Variants in MYH13 observed in about 807,000 individuals in gnomAD.
MYH13 encodes the protein myosin-13.
MYH13 carries 177 observed loss-of-function variants against 232.1 expected under a neutral mutation model. The ratio of observed to expected loss-of-function variants is 0.76; its 90% CI spans 0.67 to 0.86. MYH13 has a LOEUF of 0.86. Among genes scored for constraint, MYH13 ranks in the 40% least tolerant of loss-of-function variants. The pLI is 0.00. For synonymous variants in MYH13, 884 were observed against 923.5 expected (o/e 0.96, Z 0.78); for missense variants, 2,246 against 2,405.9 (o/e 0.93, Z 1.39).
intron 15 of MYH13, 146 bp from the exon 16 acceptor site, chr17:10,344,255 G>T (rs2071643038): frequency 2.4e-6 from 3 of 1,239,620 alleles, no homozygotes; most frequent in Non-Finnish European, 3.3e-6. Flanking sequence ...CTCTTGGTCT[G>T]TTTGGGGGAT....
chr17:10,360,336 C>G, intron 5 of MYH13, 148 bp from the exon 6 acceptor site: 1 of 963,936 alleles, frequency 1.0e-6, no homozygotes, highest in South Asian at 1.6e-5. Flanking sequence ...GTCTAATCTT[C>G]TTTGGGACAA....
intron 8 of MYH13, among the ~76,000 whole-genome samples, chr17:10,357,043 C>A (rs561237182): frequency 6.6e-6 from 1 of 152,154 alleles, no homozygotes; most frequent in Non-Finnish European, 1.5e-5. Flanking sequence ...TCCCTGCAAC[C>A]TCCACCTCCC....
In MYH13 at chr17:10,341,819, G is replaced by A. The variant is rs192728675; in HGVS notation, c.1895-1418C>T. ...AAAGAAAATGATTTTCATCATTGAA[G>A]TTTACGCATGTGCCCATTTCCTATT... On this transcript the variant is annotated intron_variant, in intron 16 of 40. Coordinates refer to ENST00000252172, the MANE Select transcript of MYH13 (RefSeq NM_003802.3). 1.5e-3 allele frequency among the ~76,000 whole-genome samples: 224 copies of A among 152,268 alleles called. 3 individuals carry two copies. The highest frequency in any genetic ancestry group is 5.3e-3 in the African/African-American group (220 of 41,550).
At chr17:10,331,258 C>T (rs1263589944) in intron 20 of MYH13, among the ~76,000 whole-genome samples, 1 of 152,194 alleles carries the variant, frequency 6.6e-6, no homozygotes, top group Non-Finnish European at 1.5e-5. Context: ...ACTTCGCCCA[C>T]TCCCTCCATA....
chr17:10,357,253 C>T (rs9915734), intron 8 of MYH13, among the ~76,000 whole-genome samples: 2,786 of 152,250 alleles, frequency 0.018, 59 homozygotes, highest in African/African-American at 0.045. Context: ...TGAGCCACCG[C>T]GCCCAGACTA....
At chr17:10,359,491 A>G (rs943100978) in intron 7 of MYH13, among the ~76,000 whole-genome samples, 5 of 152,156 alleles carry the variant, frequency 3.3e-5, no homozygotes, top group African/African-American at 1.2e-4. Context: ...AACAGCCTTT[A>G]TAACAAACTG....
intron 21 of MYH13, among the ~76,000 whole-genome samples, chr17:10,328,454 C>G (rs1311279192): frequency 1.3e-5 from 2 of 152,166 alleles, no homozygotes; most frequent in East Asian, 3.8e-4. Flanking sequence ...AGCTTTCATT[C>G]CTATTCTATT....
chr17:10,309,192 C>T (rs974535243), intron 35 of MYH13, 42 bp downstream of exon 35: 1 of 1,592,392 alleles, frequency 6.3e-7, no homozygotes. Flanking sequence ...GCGCTATCTG[C>T]CCCAGGGTGG....
At position 10,328,113 on chromosome 17, in the gene MYH13, ATGGAGTC is replaced by A; in HGVS notation, c.2437_2443del (p.Asp813SerfsTer12). 1.2e-6 allele frequency: 2 copies of A among 1,613,934 alleles called. No homozygotes were observed. Among genetic ancestry groups the A allele is most frequent in the Non-Finnish European group, 1.7e-6 (2 of 1,179,952 alleles). ...GCGGATGTTGTACTGGATGCAGAAG[ATGGAGTC>A]CCTGTACACCCATTAGGACTCAAAT... On this transcript the variant is annotated frameshift_variant and splice_region_variant, in exon 22 of 41. Transcript: ENST00000252172. LOFTEE classifies it high-confidence loss of function.
Position 10,346,743 on chromosome 17 carries a change from G to C in MYH13, c.1200C>G (p.Gly400=). 6.2e-7 allele frequency: 1 copy of C among 1,613,912 alleles called. No homozygotes were observed. The highest frequency in any genetic ancestry group is 8.5e-7 in the Non-Finnish European group (1 of 1,179,872). Residue 400 remains glycine (G), a synonymous_variant, in exon 13 of 41, where the codon GGC becomes GGG. Transcript: ENST00000252172. ...MGLNSAEMLK[G]LCCPRVKVGN... ...CAACCTTCACCCTTGGACAGCACAGGCCCTTCAGCATTTCTGCAGAATTCA... is the reference window on the plus strand; with the variant it reads ...CAACCTTCACCCTTGGACAGCACAGCCCCTTCAGCATTTCTGCAGAATTCA...
In MYH13 at chr17:10,346,667, G is replaced by C; in HGVS notation, c.1263+13C>G. ...AAGATCTCAATCAACTGGATTCAGA[G>C]CATCTCCATTACCTGCTGGACATTT... On this transcript the variant is annotated intron_variant, in intron 13 of 40. Transcript: ENST00000252172. 6.3e-7 allele frequency: 1 copy of C among 1,583,000 alleles called. No individual in the cohort carries two copies. Among genetic ancestry groups the C allele is most frequent in the South Asian group, 1.1e-5 (1 of 89,746 alleles).
chr17:10,353,963 G>A (rs184333079), intron 11 of MYH13, among the ~76,000 whole-genome samples: 1 of 150,100 alleles, frequency 6.7e-6, no homozygotes, highest in East Asian at 2.0e-4. Context: ...AAGGAAGGAA[G>A]GAAGGGAAAG....
In MYH13 at chr17:10,328,075, C is replaced by A; in HGVS notation, c.2482G>T (p.Val828Phe). The change falls in exon 22 of 41, where the codon GTC becomes TTC. Residue 828 changes from valine to phenylalanine, a missense_variant. Physicochemically the swap from Val to Phe is conservative, Grantham distance 50. Coordinates refer to ENST00000252172, the MANE Select transcript of MYH13 (RefSeq NM_003802.3). ...IQYNIRSFMN[V>F]KHWPWMNLFF... ...AGGTTCATCCAGGGCCAGTGCTTGA[C>A]GTTCATAAAAGAGCGGATGTTGTAC... 6.2e-7 allele frequency: 1 copy of A among 1,614,120 alleles called. No homozygotes were observed. The highest frequency in any genetic ancestry group is 1.3e-5 in the African/African-American group (1 of 75,036).
At chr17:10,324,338 A>G in intron 22 of MYH13, 74 bp from the exon 23 acceptor site, 1 of 1,569,522 alleles carries the variant, frequency 6.4e-7, no homozygotes, top group South Asian at 1.2e-5. Context: ...ATCACCCTCT[A>G]AAAGCTTATT....
chr17:10,306,483 C>T lies in MYH13; in HGVS notation c.5442G>A (p.Lys1814=). The T allele has an allele frequency of 6.2e-7, 1 of 1,614,176 alleles. No homozygotes were observed. Among genetic ancestry groups the T allele is most frequent in the South Asian group, 1.1e-5 (1 of 91,076 alleles). ...CCCGGTTCTCCAGTTTCTGGATCTGCTTCTTCCCGCCCTTCAGCGCCAGTT... is the reference window on the plus strand; with the variant it reads ...CCCGGTTCTCCAGTTTCTGGATCTGTTTCTTCCCGCCCTTCAGCGCCAGTT... ...AEQLALKGGK[K]QIQKLENRVR... is the part of the protein sequence containing the mutation. Residue 1814 remains lysine (K), a synonymous_variant, in exon 37 of 41, where the codon AAG becomes AAA. Coordinates refer to ENST00000252172, the MANE Select transcript of MYH13 (RefSeq NM_003802.3). The surrounding 1 kb of genome is among the most constrained non-coding windows in gnomAD (Gnocchi z 4.3).
rs1295540281 is a variant in MYH13, at chr17:10,309,221, A to G, written c.5169+13T>C. 1 of 1,611,046 alleles carries G rather than the reference A, an allele frequency of 6.2e-7. No homozygotes were observed. The highest frequency in any genetic ancestry group is 2.2e-5 in the East Asian group (1 of 44,862). ...AGGGTGGACCTTCAGCGGAGGAGTGAGGGCCGACGCACCTGGGAGTGCAGG... is the reference window on the plus strand; with the variant it reads ...AGGGTGGACCTTCAGCGGAGGAGTGGGGGCCGACGCACCTGGGAGTGCAGG... On this transcript the variant is annotated intron_variant, in intron 35 of 40. Coordinates refer to ENST00000252172, the MANE Select transcript of MYH13 (RefSeq NM_003802.3).
chr17:10,322,871 G>A (rs1045790315), intron 23 of MYH13, among the ~76,000 whole-genome samples: 1 of 152,030 alleles, frequency 6.6e-6, no homozygotes, highest in East Asian at 1.9e-4. Flanking sequence ...CTGACCTCGT[G>A]GTCTGCCCAC....
intron 3 of MYH13, among the ~76,000 whole-genome samples, chr17:10,363,371 C>A (rs1209034004): frequency 6.6e-6 from 1 of 150,890 alleles, no homozygotes; most frequent in African/African-American, 2.4e-5. Context: ...TGTAATACTT[C>A]CTGGATTTTG....
At chr17:10,312,523 A>G (rs1469609990) in intron 31 of MYH13, 51 bp downstream of exon 31, 4 of 1,547,726 alleles carry the variant, frequency 2.6e-6, no homozygotes, top group Non-Finnish European at 3.5e-6. Context: ...CATTTCCCCA[A>G]CTTGAATTAT....
Sources: gnomAD v4.1 joint callset for allele counts (sites outside exome capture counted in the v4.1 genomes callset) on GRCh38, gnomAD v4.1.1 for gene constraint, Gnocchi (gnomAD v3.1) non-coding constraint, MANE v1.5 for transcripts, NCBI Gene and HGNC (gene_info 2026-07-23, HGNC 2026-07-21) for gene names.